Variants in HEATR4 observed in about 807,000 individuals in gnomAD.
The protein encoded by HEATR4 is HEAT repeat containing 4, also known as HEAT repeat-containing protein 4.
HEATR4 carries 95 observed loss-of-function variants against 108.8 expected under a neutral mutation model. That is an observed-to-expected ratio of 0.87 (90% CI 0.74 to 1.04). HEATR4 has a LOEUF of 1.04. HEATR4 is among the 50% of genes least tolerant of loss of function. The pLI, the probability that HEATR4 is intolerant of heterozygous loss-of-function variation, is 0.00. For synonymous variants in HEATR4, 443 were observed against 459.4 expected (o/e 0.96, Z 0.46); for missense variants, 1,152 against 1,253.8 (o/e 0.92, Z 1.23).
chr14:73,570,898 T>C, the HEATR4 span, among the ~76,000 whole-genome samples: 4 of 87,198 alleles, frequency 4.6e-5, no homozygotes, highest in Admixed American at 1.4e-4. Context: ...AGAGTGACTC[T>C]ATCTTAAAAA....
chr14:73,589,965 G>A, the HEATR4 span, among the ~76,000 whole-genome samples: 5 of 152,234 alleles, frequency 3.3e-5, no homozygotes, highest in South Asian at 4.1e-4. Flanking sequence ...TGGTCTGGTA[G>A]GCTTCAGAAG....
At chr14:73,581,100 T>G in the HEATR4 span, 1 of 151,602 alleles carries the variant, frequency 6.6e-6, no homozygotes, top group Admixed American at 6.6e-5. Flanking sequence ...AACCAGGTAA[T>G]TCCAGGTAAT....
the HEATR4 span, chr14:73,574,260 A>AT: frequency 7.6e-6 from 1 of 131,448 alleles, no homozygotes; most frequent in African/African-American, 3.0e-5. Context: ...TTTAAATTCC[A>AT]GTATTTTTTT....
chr14:73,535,699 T>C (rs1888846611), intron 1 of HEATR4, among the ~76,000 whole-genome samples: 1 of 112,056 alleles, frequency 8.9e-6, no homozygotes, highest in Non-Finnish European at 1.9e-5. Context: ...CAGGATGGTG[T>C]CGATCTGCTG....
the HEATR4 span, chr14:73,574,838 T>C: frequency 1.2e-6 from 2 of 1,607,974 alleles, no homozygotes; most frequent in South Asian, 1.1e-5. Flanking sequence ...ACTTCCAGGG[T>C]GGACACAACT....
the HEATR4 span, among the ~76,000 whole-genome samples, chr14:73,603,743 T>C: frequency 6.8e-6 from 1 of 147,898 alleles, no homozygotes; most frequent in Non-Finnish European, 1.5e-5. Flanking sequence ...TTTCTTTTCT[T>C]TTTTTTTTTT....
the HEATR4 span, chr14:73,612,807 G>T: frequency 5.6e-6 from 8 of 1,417,214 alleles, no homozygotes; most frequent in Non-Finnish European, 6.5e-6. Context: ...CAGCCCATGG[G>T]GCTGCTGTGG....
chr14:73,572,406 TAGG>T, the HEATR4 span, among the ~76,000 whole-genome samples: 3 of 146,786 alleles, frequency 2.0e-5, no homozygotes, highest in Admixed American at 1.3e-4. Context: ...AGTCAAACCC[TAGG>T]AGAACACATT....
At chr14:73,524,311 ATATATATATAT>A (rs1375784074) in intron 2 of HEATR4, among the ~76,000 whole-genome samples, 1,797 of 52,628 alleles carry the variant, frequency 0.034, 96 homozygotes, top group African/African-American at 0.13. Context: ...AAAAAAAAAA[ATATATATATAT>A]ATATATATAT....
rs1276663743 is a variant in HEATR4, at chr14:73,537,150, G to A, written c.-151-6906C>T. On this transcript the variant is annotated intron_variant, in intron 1 of 17. Coordinates refer to ENST00000553558, the MANE Select transcript of HEATR4 (RefSeq NM_001220484.1). ...CCAGTCCTGGCCCAGCCCATTCCGC[G>A]AGCCAGCAAGCTTCTGAAAAGCAAA... 37 of 341,838 alleles carry A rather than the reference G, an allele frequency of 1.1e-4. 9 individuals carry two copies. The highest frequency in any genetic ancestry group is 7.8e-4 in the Middle Eastern group (1 of 1,278). The allele number at this position is 341,838 out of a possible 1,614,324, so 21.2% of individuals were successfully genotyped here.
upstream of HEATR4, among the ~76,000 whole-genome samples, chr14:73,559,367 C>T (rs1438510717): frequency 6.6e-6 from 1 of 151,550 alleles, no homozygotes; most frequent in African/African-American, 2.4e-5. Flanking sequence ...GATGTGTCCG[C>T]CTTGGCCTCC....
At chr14:73,486,991 AGCGCG>A (rs1885475974) in intron 17 of HEATR4, among the ~76,000 whole-genome samples, 1 of 151,938 alleles carries the variant, frequency 6.6e-6, no homozygotes, top group Admixed American at 6.6e-5. Flanking sequence ...TTCCTGGCCC[AGCGCG>A]ATGGCTCACG....
At chr14:73,569,371 T>A in the HEATR4 span, 1 of 1,613,966 alleles carries the variant, frequency 6.2e-7, no homozygotes, top group Admixed American at 1.7e-5. Flanking sequence ...TCGGCGCAGT[T>A]CCTGGGGTCT....
At chr14:73,619,563 G>T in the HEATR4 span, 1 of 1,614,224 alleles carries the variant, frequency 6.2e-7, no homozygotes, top group Non-Finnish European at 8.5e-7. Flanking sequence ...AAAGCTGGAA[G>T]AGTGAATTCT....
At chr14:73,515,514 T>C (rs1887545954) in intron 5 of HEATR4, among the ~76,000 whole-genome samples, 1 of 151,858 alleles carries the variant, frequency 6.6e-6, no homozygotes, top group African/African-American at 2.4e-5. Flanking sequence ...ACCCTGTCTC[T>C]ACTAAAAATA....
intron 14 of HEATR4, 137 bp downstream of exon 14, chr14:73,498,018 T>G: frequency 1.4e-6 from 1 of 713,928 alleles, no homozygotes; most frequent in Non-Finnish European, 2.3e-6. Context: ...CCTACTTGGG[T>G]GAGTGGTGAA....
At chr14:73,487,484 C>T (rs1885496852) in intron 17 of HEATR4, among the ~76,000 whole-genome samples, 1 of 152,086 alleles carries the variant, frequency 6.6e-6, no homozygotes, top group South Asian at 2.1e-4. Context: ...GAGAAAATTG[C>T]TTGAATCTGG....
intron 10 of HEATR4, 71 bp from the exon 11 acceptor site, chr14:73,503,084 T>G: frequency 8.3e-7 from 1 of 1,210,988 alleles, no homozygotes; most frequent in Non-Finnish European, 1.2e-6. Context: ...GTTGTGCTGT[T>G]TTTTCTTCTT....
the HEATR4 span, chr14:73,573,339 C>G: frequency 6.2e-7 from 1 of 1,611,516 alleles, no homozygotes; most frequent in Non-Finnish European, 8.5e-7. Flanking sequence ...AACCATCCAA[C>G]TGTTTCAGGA....
Sources: gnomAD v4.1 joint callset for allele counts (sites outside exome capture counted in the v4.1 genomes callset) on GRCh38, gnomAD v4.1.1 for gene constraint, MANE v1.5 for transcripts, NCBI Gene and HGNC (gene_info 2026-07-23, HGNC 2026-07-21) for gene names.